Variants in MYO3B observed in about 807,000 individuals in gnomAD.
MYO3B encodes myosin IIIB, also known as myosin-IIIb.
Under a neutral mutation model 174.6 loss-of-function variants are expected in MYO3B, and 156 were observed. The observed-to-expected ratio is 0.89, with a 90% CI of 0.78 to 1.02. The LOEUF (loss-of-function observed/expected upper bound fraction) is 1.02. Among genes scored for constraint, MYO3B ranks in the 50% least tolerant of loss-of-function variants. The pLI, the probability that MYO3B is intolerant of heterozygous loss-of-function variation, is 0.00. For missense variants in MYO3B, 1,632 were observed against 1,639.4 expected, an observed-to-expected ratio of 1.00 and a Z score of 0.08; for synonymous variants, 563 against 569.1, an observed-to-expected ratio of 0.99 and a Z score of 0.15.
intron 32 of MYO3B, chr2:170,643,810 T>G (rs1698163681): frequency 6.6e-6 from 1 of 152,280 alleles, no homozygotes; most frequent in African/African-American, 2.4e-5. Context: ...TGCCTGCCCA[T>G]TCCTCAGGAG....
chr2:170,480,511 C>T lies in MYO3B; in HGVS notation c.3014+13800C>T, dbSNP rs115977944. Among the ~76,000 whole-genome samples, 728 of 152,308 alleles carry T rather than the reference C, an allele frequency of 4.8e-3. 5 individuals carry two copies. Among genetic ancestry groups the T allele is most frequent in the African/African-American group, 0.016 (670 of 41,566 alleles). On this transcript the variant is annotated intron_variant, in intron 25 of 34. Transcript: ENST00000408978. Reference sequence around the variant, plus strand: ...AATGAACTGGTAAAAGTAAGTGTTTCCCTGAGTTCTAAGAGCTGCTCCAGC... The same window carrying T: ...AATGAACTGGTAAAAGTAAGTGTTTTCCTGAGTTCTAAGAGCTGCTCCAGC...
At chr2:170,227,837 G>A (rs1458323042) in intron 6 of MYO3B, among the ~76,000 whole-genome samples, 3 of 152,100 alleles carry the variant, frequency 2.0e-5, no homozygotes, top group Non-Finnish European at 4.4e-5. Context: ...TTCTGATTGG[G>A]TGCTCTCCTT....
chr2:170,279,459 C>T (rs1272546460), intron 7 of MYO3B, among the ~76,000 whole-genome samples: 1 of 133,560 alleles, frequency 7.5e-6, no homozygotes, highest in African/African-American at 2.8e-5. Context: ...ATCCTTTGTC[C>T]ACTTAAAAAA....
intron 16 of MYO3B, among the ~76,000 whole-genome samples, chr2:170,397,304 T>C (rs1020295178): frequency 2.0e-5 from 3 of 152,164 alleles, no homozygotes; most frequent in Non-Finnish European, 2.9e-5. Flanking sequence ...CTTTACTGAG[T>C]AATGTTTATA....
intron 22 of MYO3B, among the ~76,000 whole-genome samples, chr2:170,422,093 A>G (rs1413185858): frequency 6.6e-6 from 1 of 152,190 alleles, no homozygotes; most frequent in Admixed American, 6.5e-5. Flanking sequence ...CTGCAAATTG[A>G]GGGGTGTGCA....
At chr2:170,443,106 C>T (rs2105910835) in intron 22 of MYO3B, among the ~76,000 whole-genome samples, 1 of 152,134 alleles carries the variant, frequency 6.6e-6, no homozygotes, top group East Asian at 1.9e-4. Flanking sequence ...TGAACAGTCC[C>T]ACCAATAGTG....
At chr2:170,199,496 G>T in intron 2 of MYO3B, 105 bp downstream of exon 2, 1 of 910,836 alleles carries the variant, frequency 1.1e-6, no homozygotes, top group South Asian at 2.4e-5. Flanking sequence ...AACCTGGTAT[G>T]AAATCTCAAA....
At chr2:170,486,595 C>T (rs1170437476) in intron 25 of MYO3B, among the ~76,000 whole-genome samples, 1 of 152,224 alleles carries the variant, frequency 6.6e-6, no homozygotes, top group Non-Finnish European at 1.5e-5. Flanking sequence ...GCCACCGTGC[C>T]TGGCTTAGAA....
At chr2:170,324,596 G>A (rs546711143) in intron 7 of MYO3B, among the ~76,000 whole-genome samples, 1 of 152,270 alleles carries the variant, frequency 6.6e-6, no homozygotes, top group African/African-American at 2.4e-5. Flanking sequence ...TTTTTAAAGA[G>A]CGTTGTAACA....
At chr2:170,551,682 C>G (rs748082660) in intron 32 of MYO3B, among the ~76,000 whole-genome samples, 2 of 151,292 alleles carry the variant, frequency 1.3e-5, no homozygotes, top group African/African-American at 2.4e-5. Flanking sequence ...AATCCAATTT[C>G]TAATTAAGCT....
chr2:170,397,260 A>G (rs557634148), intron 16 of MYO3B, among the ~76,000 whole-genome samples: 27 of 152,332 alleles, frequency 1.8e-4, no homozygotes, highest in African/African-American at 6.3e-4. Context: ...TATCCAGCAG[A>G]TGTCACTATT....
At chr2:170,196,731 T>G (rs2092604699) in intron 1 of MYO3B, among the ~76,000 whole-genome samples, 1 of 152,192 alleles carries the variant, frequency 6.6e-6, no homozygotes, top group South Asian at 2.1e-4. Context: ...TCTAGTGCTG[T>G]TAGCCTTCAA....
chr2:170,551,078 T>C (rs1345841440), intron 32 of MYO3B, among the ~76,000 whole-genome samples: 1 of 152,016 alleles, frequency 6.6e-6, no homozygotes, highest in Admixed American at 6.6e-5. Flanking sequence ...TTTGTATTTT[T>C]TTGTAGAGAC....
At position 170,379,193 on chromosome 2, in the gene MYO3B, A is replaced by AGTTTTTTTTTTTTTTTTTTTT. The variant is rs1558941027; in HGVS notation, c.972-2823_972-2822insGTTTTTTTTTTTTTTTTTTTT. 3.0e-5 allele frequency among the ~76,000 whole-genome samples: 4 copies of AGTTTTTTTTTTTTTTTTTTTT among 134,636 alleles called. 2 individuals are homozygous for AGTTTTTTTTTTTTTTTTTTTT. Among genetic ancestry groups the AGTTTTTTTTTTTTTTTTTTTT allele is most frequent in the Non-Finnish European group, 6.4e-5 (4 of 62,248 alleles). The allele number at this position is 134,636 out of a possible 152,430, so 88.3% of individuals were successfully genotyped here. ...TAATTATTTCATGAAAATGTGGTAC[A>AGTTTTTTTTTTTTTTTTTTTT]ATTTTTTTTTTTTTTTTTTTGAGAC... On this transcript the variant is annotated intron_variant, in intron 9 of 34. Transcript: ENST00000408978.
intron 22 of MYO3B, among the ~76,000 whole-genome samples, chr2:170,428,325 A>G (rs1312820069): frequency 6.6e-6 from 1 of 152,186 alleles, no homozygotes; most frequent in Non-Finnish European, 1.5e-5. Context: ...TGCCTACTGA[A>G]CTGCTAAGAA....
chr2:170,228,985 C>T (rs948624750), intron 6 of MYO3B, among the ~76,000 whole-genome samples: 7 of 137,128 alleles, frequency 5.1e-5, no homozygotes, highest in Admixed American at 3.6e-4. Flanking sequence ...AAAAAAACAA[C>T]GAATCTCAAA....
At chr2:170,402,740 T>A in intron 18 of MYO3B, 108 bp from the exon 19 acceptor site, 1 of 1,016,174 alleles carries the variant, frequency 9.8e-7, no homozygotes, top group Non-Finnish European at 1.3e-6. Context: ...TTTCCATGAG[T>A]GGGTGAATTG....
chr2:170,481,611 TATTCC>T (rs1685695019), intron 25 of MYO3B, among the ~76,000 whole-genome samples: 1 of 152,096 alleles, frequency 6.6e-6, no homozygotes, highest in African/African-American at 2.4e-5. Flanking sequence ...TAAAGAAGAA[TATTCC>T]ATGAAAATTA....
At chr2:170,578,040 G>T (rs1692895317) in intron 32 of MYO3B, among the ~76,000 whole-genome samples, 2 of 152,288 alleles carry the variant, frequency 1.3e-5, no homozygotes, top group South Asian at 4.1e-4. Flanking sequence ...TTTGGAAATT[G>T]ATTTAATATT....
Sources: gnomAD v4.1 joint callset for allele counts (sites outside exome capture counted in the v4.1 genomes callset) on GRCh38, gnomAD v4.1.1 for gene constraint, MANE v1.5 for transcripts, NCBI Gene and HGNC (gene_info 2026-07-23, HGNC 2026-07-21) for gene names.